The following LRP1B variants were observed in gnomAD, a reference collection of about 807,000 sequenced individuals.
LRP1B encodes the protein low-density lipoprotein receptor-related protein 1B.
A neutral mutation model predicts 556.6 loss-of-function variants in LRP1B; 217 were observed. That is an observed-to-expected ratio of 0.39 (90% CI 0.35 to 0.44). The LOEUF is 0.44. Ranked by LOEUF, LRP1B falls within the 20% of genes least tolerant of loss-of-function variation. The pLI, the probability that LRP1B is intolerant of heterozygous loss-of-function variation, is 1.00. For missense variants in LRP1B, 5,053 were observed against 5,620.8 expected (o/e 0.90, Z 3.23); for synonymous variants, 2,047 against 1,865.8 (o/e 1.10, Z -2.50).
chr2:140,348,196 C>T (rs916266834), intron 77 of LRP1B, among the ~76,000 whole-genome samples: 5 of 151,996 alleles, frequency 3.3e-5, no homozygotes, highest in Non-Finnish European at 5.9e-5. Context: ...ATATGCCTTT[C>T]AAGTTAGTTG....
intron 49 of LRP1B, among the ~76,000 whole-genome samples, chr2:140,520,625 T>C (rs1690122402): frequency 6.6e-6 from 1 of 151,768 alleles, no homozygotes. Context: ...GCCAGTTTCA[T>C]GAGTCTAAAG....
chr2:141,971,090 C>A (rs1265620478), intron 1 of LRP1B, among the ~76,000 whole-genome samples: 2 of 151,406 alleles, frequency 1.3e-5, no homozygotes, highest in Non-Finnish European at 3.0e-5. Context: ...TCCTGACAAC[C>A]CAAACCTTAA....
intron 11 of LRP1B, among the ~76,000 whole-genome samples, chr2:141,021,655 T>G (rs1193503511): frequency 6.6e-6 from 1 of 152,020 alleles, no homozygotes; most frequent in East Asian, 1.9e-4. Flanking sequence ...GTACAAAAAG[T>G]CTTCATGCTG....
chr2:140,556,835 T>C (rs1406431379), intron 43 of LRP1B, among the ~76,000 whole-genome samples: 3 of 152,020 alleles, frequency 2.0e-5, no homozygotes, highest in Non-Finnish European at 4.4e-5. Flanking sequence ...TAGAATTAAA[T>C]TACATACATG....
intron 23 of LRP1B, 36 bp downstream of exon 23, chr2:140,902,884 C>T (rs570186850): frequency 8.8e-6 from 14 of 1,599,100 alleles, no homozygotes; most frequent in Middle Eastern, 1.7e-4. Context: ...AAGATCTATT[C>T]TTAAATATAG....
intron 3 of LRP1B, among the ~76,000 whole-genome samples, chr2:141,323,913 C>A (rs568561140): frequency 1.0e-5 from 1 of 95,602 alleles, no homozygotes; most frequent in Admixed American, 1.1e-4. Context: ...CACACCTGAA[C>A]GAGGAAACCA....
At chr2:141,032,826 C>CATACATACATATAT in intron 11 of LRP1B, among the ~76,000 whole-genome samples, 9 of 126,650 alleles carry the variant, frequency 7.1e-5, no homozygotes, top group East Asian at 5.0e-4. Flanking sequence ...TATATACATA[C>CATACATACATATAT]ATATATATAT....
intron 1 of LRP1B, among the ~76,000 whole-genome samples, chr2:141,911,851 G>C (rs373111757): frequency 1.3e-5 from 2 of 151,922 alleles, no homozygotes; most frequent in East Asian, 1.9e-4. Flanking sequence ...CTGTGGAAGA[G>C]TCTCAAATAA....
Position 140,987,817 on chromosome 2 carries a change from C to A in LRP1B, c.2770+1715G>T, listed in dbSNP as rs192796057. 2.0e-5 allele frequency among the ~76,000 whole-genome samples: 3 copies of A among 152,026 alleles called. No homozygotes were observed. The East Asian group carries it at 5.9e-4, about 30-fold the overall frequency. On this transcript the variant is annotated intron_variant, in intron 17 of 90. Transcript: ENST00000389484. ...CTGGCCAACATGGTGAATCCCTGTT[C>A]TCTACTAAAAATAAGAAAAAGCCAG...
At chr2:141,840,180 T>A (rs1012949805) in intron 1 of LRP1B, among the ~76,000 whole-genome samples, 15 of 151,656 alleles carry the variant, frequency 9.9e-5, no homozygotes, top group South Asian at 4.2e-4. Context: ...TACCAATTTG[T>A]ATAATTGAGG....
intron 17 of LRP1B, among the ~76,000 whole-genome samples, chr2:140,983,149 A>G (rs1346313223): frequency 6.6e-6 from 1 of 152,098 alleles, no homozygotes; most frequent in Non-Finnish European, 1.5e-5. Context: ...TGACATGCTT[A>G]GTTGTTTTTA....
chr2:141,732,626 A>AAC (rs530956299), intron 2 of LRP1B, among the ~76,000 whole-genome samples: 117 of 152,250 alleles, frequency 7.7e-4, no homozygotes, highest in Middle Eastern at 3.4e-3. Context: ...ATCAGTAAGA[A>AAC]ACACACACAC....
intron 1 of LRP1B, among the ~76,000 whole-genome samples, chr2:142,027,300 G>A (rs1703540354): frequency 6.7e-6 from 1 of 149,434 alleles, no homozygotes; most frequent in African/African-American, 2.5e-5. Flanking sequence ...ATTTTTAGAG[G>A]TTGTTTTTTT....
rs541206346 is a variant in LRP1B, at chr2:140,540,617, T to C, written c.7513+356A>G. On this transcript the variant is annotated intron_variant, in intron 45 of 90. Coordinates refer to ENST00000389484, the MANE Select transcript of LRP1B (RefSeq NM_018557.3). ...CAAGGCTACTGATATACTGCCTGTA[T>C]ACCAGTTTATTTCAGCTTCAATTAC... 2.0e-4 allele frequency among the ~76,000 whole-genome samples: 30 copies of C among 152,282 alleles called. No homozygotes were observed. In the South Asian group the frequency reaches 5.8e-3, roughly 29 times the overall value.
intron 52 of LRP1B, among the ~76,000 whole-genome samples, chr2:140,509,089 C>A (rs867988372): frequency 4.0e-5 from 6 of 148,324 alleles, no homozygotes; most frequent in African/African-American, 1.5e-4. Context: ...CACAAACACA[C>A]ACACACACAC....
At chr2:141,072,326 C>T (rs570582775) in intron 7 of LRP1B, among the ~76,000 whole-genome samples, 18 of 152,156 alleles carry the variant, frequency 1.2e-4, no homozygotes, top group Admixed American at 2.0e-4. Context: ...ATTTTTATTT[C>T]GGTACCCAGG....
At chr2:141,951,719 T>A (rs73964852) in intron 1 of LRP1B, among the ~76,000 whole-genome samples, 12,068 of 152,166 alleles carry the variant, frequency 0.079, 1,592 homozygotes, top group African/African-American at 0.28. Flanking sequence ...TATAGACAAT[T>A]GGATTTTATT....
chr2:141,948,299 AAAAT>A (rs942562774), intron 1 of LRP1B, among the ~76,000 whole-genome samples: 4 of 151,900 alleles, frequency 2.6e-5, no homozygotes, highest in Non-Finnish European at 4.4e-5. Flanking sequence ...ACTCCATTTT[AAAAT>A]AAATAAATAA....
At chr2:140,980,048 A>G (rs1696721673) in intron 18 of LRP1B, among the ~76,000 whole-genome samples, 1 of 151,868 alleles carries the variant, frequency 6.6e-6, no homozygotes, top group African/African-American at 2.4e-5. Context: ...TCCTCCTTTG[A>G]TTCAAGTAAA....
Sources: allele counts gnomAD v4.1 joint callset (sites outside exome capture counted in the v4.1 genomes callset), GRCh38; gene constraint gnomAD v4.1.1; transcripts MANE v1.5; gene names NCBI Gene and HGNC (gene_info 2026-07-23, HGNC 2026-07-21).